Variants in ABHD12 observed in about 807,000 individuals in gnomAD.
ABHD12 encodes abhydrolase domain containing 12, lysophospholipase.
A neutral mutation model predicts 58.3 loss-of-function variants in ABHD12; 43 were observed. The ratio of observed to expected loss-of-function variants is 0.74; its 90% CI spans 0.58 to 0.95. The LOEUF (loss-of-function observed/expected upper bound fraction) is 0.95, where lower values mean the gene tolerates loss of function less well. ABHD12 is among the 40% of genes least tolerant of loss of function. ABHD12 has a pLI of 0.00. For missense variants in ABHD12, 539 were observed against 537.2 expected, an observed-to-expected ratio of 1.00 and a Z score of -0.03; for synonymous variants, 219 against 211.2, an observed-to-expected ratio of 1.04 and a Z score of -0.32.
chr20:25,316,776 A>G lies in ABHD12; in HGVS notation c.573+272T>C, dbSNP rs551928928. On this transcript the variant is annotated intron_variant, in intron 5 of 12. Coordinates refer to ENST00000339157, the MANE Select transcript of ABHD12 (RefSeq NM_001042472.3). ...AGACCTCATTTCTACAAAAAAACAA[A>G]CAAAAATTAGCTGGGCGTGGTGGCG... Among the ~76,000 whole-genome samples the G allele has an allele frequency of 3.3e-5, 5 of 152,362 alleles. No homozygotes were observed. The East Asian group carries it at 9.7e-4, about 29-fold the overall frequency.
At chr20:25,356,300 A>G (rs1462625253) in intron 1 of ABHD12, among the ~76,000 whole-genome samples, 1 of 152,242 alleles carries the variant, frequency 6.6e-6, no homozygotes, top group Non-Finnish European at 1.5e-5. Flanking sequence ...AGGTTGCCAC[A>G]TATCAATAAA....
intron 1 of ABHD12, among the ~76,000 whole-genome samples, chr20:25,363,362 G>C (rs6083817): frequency 0.54 from 81,839 of 151,174 alleles, 22,725 homozygotes; most frequent in Admixed American, 0.61. Context: ...GGTATTACAG[G>C]TACACGCACC....
At chr20:25,310,055 AGCCT>A in intron 6 of ABHD12, 14 of 163,120 alleles carry the variant, frequency 8.6e-5, no homozygotes, top group South Asian at 3.5e-4. Context: ...AGGCAGTGAA[AGCCT>A]CTGCCACCAC....
At chr20:25,385,661 G>A (rs1328397565) in intron 1 of ABHD12, among the ~76,000 whole-genome samples, 2 of 150,138 alleles carry the variant, frequency 1.3e-5, no homozygotes, top group Admixed American at 6.7e-5. Context: ...CCTAGGCAAC[G>A]TGGCAAGACC....
intron 6 of ABHD12, among the ~76,000 whole-genome samples, chr20:25,314,346 C>T (rs1477930899): frequency 6.6e-6 from 1 of 152,096 alleles, no homozygotes; most frequent in Non-Finnish European, 1.5e-5. Flanking sequence ...TGTCTGACGT[C>T]CAGCTCTGCA....
chr20:25,358,080 TGGTA>T (rs2089692424), intron 1 of ABHD12, among the ~76,000 whole-genome samples: 1 of 152,124 alleles, frequency 6.6e-6, no homozygotes, highest in African/African-American at 2.4e-5. Flanking sequence ...GAGGCTCTCT[TGGTA>T]GGAAGGCAAA....
intron 5 of ABHD12, among the ~76,000 whole-genome samples, chr20:25,315,629 T>C (rs1600784669): frequency 6.6e-6 from 1 of 152,072 alleles, no homozygotes; most frequent in Admixed American, 6.5e-5. Flanking sequence ...TGCACTTCCT[T>C]GCCAGCTCCT....
intron 1 of ABHD12, among the ~76,000 whole-genome samples, chr20:25,379,595 C>A (rs1348242219): frequency 1.3e-5 from 2 of 152,166 alleles, no homozygotes; most frequent in African/African-American, 4.8e-5. Flanking sequence ...TGTCCCATGC[C>A]GTCCATCTTC....
At chr20:25,311,999 T>C (rs2088857883) in intron 6 of ABHD12, among the ~76,000 whole-genome samples, 1 of 151,798 alleles carries the variant, frequency 6.6e-6, no homozygotes, top group Non-Finnish European at 1.5e-5. Flanking sequence ...TGAGCCACCG[T>C]GCCCAGCCAG....
At chr20:25,323,661 G>A (rs1024779328) in intron 2 of ABHD12, among the ~76,000 whole-genome samples, 5 of 152,244 alleles carry the variant, frequency 3.3e-5, no homozygotes, top group Non-Finnish European at 7.3e-5. Context: ...CAGGGTATGG[G>A]CTGAGGCCAG....
chr20:25,297,356 C>G (rs1196426161), downstream of ABHD12: 1 of 152,360 alleles, frequency 6.6e-6, no homozygotes, highest in African/African-American at 2.4e-5. Flanking sequence ...GAAAATTGTA[C>G]TTGGTCACTT....
chr20:25,354,538 T>A (rs1386205464), intron 1 of ABHD12, among the ~76,000 whole-genome samples: 1 of 152,204 alleles, frequency 6.6e-6, no homozygotes, highest in Non-Finnish European at 1.5e-5. Context: ...GTGTTACAGA[T>A]GAAAAGCTGA....
At chr20:25,312,759 G>T (rs1331880375) in intron 6 of ABHD12, among the ~76,000 whole-genome samples, 1 of 149,358 alleles carries the variant, frequency 6.7e-6, no homozygotes, top group East Asian at 2.0e-4. Context: ...GCCGCCCATC[G>T]TCTGAGATGT....
intron 6 of ABHD12, among the ~76,000 whole-genome samples, chr20:25,309,868 G>A (rs148049112): frequency 3.9e-5 from 6 of 152,336 alleles, no homozygotes; most frequent in Non-Finnish European, 8.8e-5. Flanking sequence ...CTAAGTTGGT[G>A]AGCTGCACAT....
chr20:25,327,762 G>A (rs755259801), intron 2 of ABHD12, among the ~76,000 whole-genome samples: 28 of 152,136 alleles, frequency 1.8e-4, no homozygotes, highest in Non-Finnish European at 3.8e-4. Flanking sequence ...TCATGAAGCT[G>A]GAGGCTACAA....
intron 1 of ABHD12, among the ~76,000 whole-genome samples, chr20:25,380,000 A>T (rs1287482894): frequency 6.6e-6 from 1 of 152,174 alleles, no homozygotes; most frequent in African/African-American, 2.4e-5. Flanking sequence ...GCAGGAGTAC[A>T]GGTGTGTGCC....
At position 25,300,345 on chromosome 20, in the gene ABHD12, GT is replaced by G. The variant is rs769945351; in HGVS notation, c.*499del. ...GGGTGAGTGGGCCAGCCCAGGGGAG[GT>G]GGGGCAGCTGAGAAAGGCAAGCAGG... On this transcript the variant is annotated 3_prime_UTR_variant, in exon 13 of 13. Transcript: ENST00000339157. 18 of 1,053,384 alleles carry G rather than the reference GT, an allele frequency of 1.7e-5. No homozygotes were observed. The East Asian group carries it at 4.6e-4, about 27-fold the overall frequency. 65.3% of individuals were successfully genotyped at this position (1,053,384 alleles called of 1,614,324 possible). A position where few individuals can be genotyped will look rare whatever the true frequency, so the allele number is the denominator to read the frequency against.
At position 25,294,814 on chromosome 20, in the gene ABHD12, A is replaced by T. The variant is rs1170811349; in HGVS notation, c.*159T>A. ...TGGTATGGTTTATCTAGAGTTACAG[A>T]CTTTGTAAGGTTTGCAGCTCAGGGC... On this transcript the variant is annotated 3_prime_UTR_variant, in exon 13 of 13. Transcript: ENST00000376542. 3 of 766,364 alleles carry T rather than the reference A, an allele frequency of 3.9e-6. No individual in the cohort carries two copies. The Admixed American group carries it at 5.8e-5, about 15-fold the overall frequency. The allele number at this position is 766,364 out of a possible 1,614,324, so 47.5% of individuals were successfully genotyped here. A position where few individuals can be genotyped will look rare whatever the true frequency, so the allele number is the denominator to read the frequency against.
chr20:25,305,936 C>A lies in ABHD12; in HGVS notation c.950+897G>T, dbSNP rs111781309. Among the ~76,000 whole-genome samples, 1,218 of 152,174 alleles carry A rather than the reference C, an allele frequency of 8.0e-3. 20 individuals are homozygous for A. The highest frequency in any genetic ancestry group is 0.028 in the African/African-American group (1,169 of 41,512). ...ATCCCAGCACTTTGGGAGGCCAAGG[C>A]GAGCAGATCACCCGAGATCAGGAGT... On this transcript the variant is annotated intron_variant, in intron 10 of 12. Coordinates refer to ENST00000339157, the MANE Select transcript of ABHD12 (RefSeq NM_001042472.3).
Sources: gnomAD v4.1 joint callset for allele counts (sites outside exome capture counted in the v4.1 genomes callset) on GRCh38, gnomAD v4.1.1 for gene constraint, MANE v1.5 for transcripts, NCBI Gene and HGNC (gene_info 2026-07-23, HGNC 2026-07-21) for gene names.